Variants in EIF5B observed in about 807,000 individuals in gnomAD.
EIF5B encodes eIF-5B.
A neutral mutation model predicts 147.5 loss-of-function variants in EIF5B; 47 were observed. That is an observed-to-expected ratio of 0.32 (90% CI 0.25 to 0.41). The LOEUF (loss-of-function observed/expected upper bound fraction) is 0.41, where lower values mean the gene tolerates loss of function less well. EIF5B is among the 10% of genes least tolerant of loss of function. EIF5B has a pLI of 1.00. For missense variants in EIF5B, 1,064 were observed against 1,413.2 expected, an observed-to-expected ratio of 0.75 and a Z score of 3.96; for synonymous variants, 455 against 456.2, an observed-to-expected ratio of 1.00 and a Z score of 0.03.
chr2:99,358,276 A>G (rs748329198), intron 1 of EIF5B, among the ~76,000 whole-genome samples: 14 of 152,094 alleles, frequency 9.2e-5, no homozygotes, highest in Non-Finnish European at 5.9e-5. Flanking sequence ...AGTGTTGGCC[A>G]GGCAGGTCTC....
chr2:99,398,728 A>T lies in EIF5B; in HGVS notation c.3394-20A>T. The stretch of plus-strand genomic sequence containing the variant: ...GCATGAATTCTTCTGCATGCATTTT[A>T]ATTTGTTCTTATTTTATAGTTTGTT... On this transcript the variant is annotated intron_variant, in intron 22 of 23. Coordinates refer to ENST00000289371, the MANE Select transcript of EIF5B (RefSeq NM_015904.4). 1 of 1,598,662 alleles carries T rather than the reference A, an allele frequency of 6.3e-7. No individual in the cohort carries two copies. Among genetic ancestry groups the T allele is most frequent in the Non-Finnish European group, 8.5e-7 (1 of 1,172,862 alleles).
chr2:99,344,912 A>G (rs2094269331), intron 1 of EIF5B, among the ~76,000 whole-genome samples: 1 of 152,170 alleles, frequency 6.6e-6, no homozygotes. Flanking sequence ...CATTATCTTG[A>G]TACAACCTCA....
At chr2:99,376,914 T>C (rs968428141) in intron 10 of EIF5B, among the ~76,000 whole-genome samples, 7 of 152,208 alleles carry the variant, frequency 4.6e-5, no homozygotes, top group Non-Finnish European at 8.8e-5. Flanking sequence ...AGTTTATAAG[T>C]ATGCAGAGGT....
intron 21 of EIF5B, among the ~76,000 whole-genome samples, chr2:99,395,203 G>T (rs1460006090): frequency 2.0e-5 from 3 of 152,216 alleles, no homozygotes; most frequent in Non-Finnish European, 2.9e-5. Flanking sequence ...AAACTTGAGT[G>T]AGGAAAACCG....
At chr2:99,358,105 T>C (rs1035105851) in intron 1 of EIF5B, among the ~76,000 whole-genome samples, 1 of 151,960 alleles carries the variant, frequency 6.6e-6, no homozygotes, top group Non-Finnish European at 1.5e-5. Context: ...ATATACAGGG[T>C]TTTACTCAGT....
At position 99,364,411 on chromosome 2, in the gene EIF5B, A is replaced by G. The variant is rs768137278; in HGVS notation, c.1278A>G (p.Leu426=). The change falls in exon 6 of 24, where the codon CTA becomes CTG. Residue 426 remains leucine (L), a synonymous_variant. Transcript: ENST00000289371. ...GAGCCGAAGCTACTCTTAAACTGCT[A>G]CAAGCTCAGGGTGAGTGGTACTCTT... ...RARAEATLKL[L]QAQGVEVPSK... 11 of 1,600,252 alleles carry G rather than the reference A, an allele frequency of 6.9e-6. No homozygotes were observed. Among genetic ancestry groups the G allele is most frequent in the African/African-American group, 1.4e-5 (1 of 73,706 alleles).
rs1559264167 is a variant in EIF5B, at chr2:99,400,074, GCT to G, written c.*663_*664del. On this transcript the variant is annotated 3_prime_UTR_variant, in exon 24 of 24. Coordinates refer to ENST00000289371, the MANE Select transcript of EIF5B (RefSeq NM_015904.4). ...AAAACAGACATCCACCAGTAAGCAA[GCT>G]CTGTTAGGCTTCCATGTTAGTGTAG... 6.6e-6 allele frequency: 1 copy of G among 152,250 alleles called. No individual in the cohort carries two copies. The highest frequency in any genetic ancestry group is 6.5e-5 in the Admixed American group (1 of 15,286). The allele number at this position is 152,250 out of a possible 1,614,324, so 9.4% of individuals were successfully genotyped here.
Position 99,376,467 on chromosome 2 carries a change from A to G in EIF5B, c.1673A>G (p.Glu558Gly), listed in dbSNP as rs1249458732. Residue 558 changes from glutamate (E) to glycine (G), a missense_variant, in exon 10 of 24, where the codon GAA (glutamate) becomes GGA (glycine). By Grantham distance (98) the Glu-to-Gly change is moderately conservative. Transcript: ENST00000289371. ...GAGGAGGAAGAGGAGGGAGAAAGTGAAGGCAGTGAAGGTGATGAGGAAGAT... is the reference window on the plus strand; with the variant it reads ...GAGGAGGAAGAGGAGGGAGAAAGTGGAGGCAGTGAAGGTGATGAGGAAGAT... ...EEEEEEEGES[E>G]GSEGDEEDEK... The G allele has an allele frequency of 2.5e-6, 4 of 1,607,216 alleles. No individual in the cohort carries two copies. The highest frequency in any genetic ancestry group is 3.4e-6 in the Non-Finnish European group (4 of 1,173,900).
intron 1 of EIF5B, among the ~76,000 whole-genome samples, chr2:99,352,501 G>T (rs1275989575): frequency 6.7e-6 from 1 of 149,434 alleles, no homozygotes; most frequent in African/African-American, 2.5e-5. Flanking sequence ...AGCCTGTCTT[G>T]CCTTTTCATT....
At chr2:99,363,099 C>T (rs1158939299) in intron 4 of EIF5B, among the ~76,000 whole-genome samples, 1 of 152,030 alleles carries the variant, frequency 6.6e-6, no homozygotes, top group Non-Finnish European at 1.5e-5. Context: ...TGGATATATT[C>T]GAGGAGGAAC....
chr2:99,359,861 GTGT>G (rs1384537900), intron 1 of EIF5B, among the ~76,000 whole-genome samples: 6 of 152,110 alleles, frequency 3.9e-5, no homozygotes, highest in African/African-American at 1.4e-4. Flanking sequence ...AAATATTTAG[GTGT>G]TGTTATTGAT....
chr2:99,398,358 T>C (rs900181786), intron 22 of EIF5B: 1 of 158,210 alleles, frequency 6.3e-6, no homozygotes, highest in African/African-American at 2.4e-5. Flanking sequence ...AATTTCAGGA[T>C]TGGTCCTCAC....
In EIF5B at chr2:99,340,377, G is replaced by A. The variant is rs183443016; in HGVS notation, c.35+2788G>A. The stretch of plus-strand genomic sequence containing the variant: ...TTTGTGTAAAATGAGATAGAGATCC[G>A]GTTTTATTCTCCTGGGTGAAGGTCC... On this transcript the variant is annotated intron_variant, in intron 1 of 23. Transcript: ENST00000289371. Among the ~76,000 whole-genome samples the A allele has an allele frequency of 1.1e-3, 160 of 152,252 alleles. 2 individuals are homozygous for A. Among genetic ancestry groups the A allele is most frequent in the South Asian group, 2.5e-3 (12 of 4,820 alleles).
At chr2:99,337,978 T>A (rs1472196615) in intron 1 of EIF5B, among the ~76,000 whole-genome samples, 1 of 152,178 alleles carries the variant, frequency 6.6e-6, no homozygotes, top group Non-Finnish European at 1.5e-5. Flanking sequence ...TACCTGTGAG[T>A]ACTTTGGGAG....
Position 99,360,365 on chromosome 2 carries a change from A to C in EIF5B, c.161+4A>C. On this transcript the variant is annotated splice_donor_region_variant and intron_variant, in intron 2 of 23. Transcript: ENST00000289371. ...AGAAAAAAAAGCAGGACTTTGAGTA[A>C]GTATATTTTAAATATATTTGATTTT... The C allele has an allele frequency of 6.3e-7, 1 of 1,584,600 alleles. No homozygotes were observed. The highest frequency in any genetic ancestry group is 1.8e-5 in the Admixed American group (1 of 56,468).
chr2:99,401,169 CAT>C lies in EIF5B; in HGVS notation c.*1756_*1757del, dbSNP rs1675340038. On this transcript the variant is annotated 3_prime_UTR_variant, in exon 24 of 24. Coordinates refer to ENST00000289371, the MANE Select transcript of EIF5B (RefSeq NM_015904.4). ...TTATAAAAACTCCGAGCATTACTAT[CAT>C]GCACTTTGCAAATACCTCACAAGCA... The C allele has an allele frequency of 4.6e-6, 4 of 876,110 alleles. No individual in the cohort carries two copies. In the South Asian group the frequency reaches 5.8e-5, roughly 13 times the overall value. 54.3% of individuals were successfully genotyped at this position (876,110 alleles called of 1,614,324 possible). A position where few individuals can be genotyped will look rare whatever the true frequency, so the allele number is the denominator to read the frequency against.
At chr2:99,397,055 C>T in intron 22 of EIF5B, 157 bp downstream of exon 22, 1 of 781,528 alleles carries the variant, frequency 1.3e-6, no homozygotes, top group South Asian at 3.4e-5. Flanking sequence ...GTGTTTTTAC[C>T]TCAGTAGGAA....
chr2:99,339,733 A>G (rs1384170687), intron 1 of EIF5B, among the ~76,000 whole-genome samples: 1 of 152,012 alleles, frequency 6.6e-6, no homozygotes, highest in Non-Finnish European at 1.5e-5. Context: ...AGCCATTGGG[A>G]GACAAGATGT....
intron 23 of EIF5B, 93 bp downstream of exon 23, chr2:99,399,002 A>AT: frequency 3.5e-6 from 5 of 1,422,934 alleles, no homozygotes; most frequent in Non-Finnish European, 4.8e-6. Flanking sequence ...CTTCAGTTTG[A>AT]TTGTAGAATC....
Sources: gnomAD v4.1 joint callset for allele counts (sites outside exome capture counted in the v4.1 genomes callset) on GRCh38, gnomAD v4.1.1 for gene constraint, MANE v1.5 for transcripts, NCBI Gene and HGNC (gene_info 2026-07-23, HGNC 2026-07-21) for gene names.